The following PLAAT5 variants were observed in gnomAD, a reference collection of about 807,000 sequenced individuals.
The protein encoded by PLAAT5 is phospholipase A and acyltransferase 5, also known as Ca(2+)-independent N-acyltransferase.
A neutral mutation model predicts 27.8 loss-of-function variants in PLAAT5; 27 were observed. The observed-to-expected ratio is 0.97, with a 90% CI of 0.72 to 1.34. The LOEUF is 1.34. PLAAT5 is among the 40% of genes most tolerant of loss of function. The probability of loss-of-function intolerance (pLI) is 0.00; values close to 1 mark genes in which losing one functional copy is unlikely to be tolerated. For synonymous variants in PLAAT5, 125 were observed against 136.1 expected (o/e 0.92, Z 0.57); for missense variants, 368 against 343.8 (o/e 1.07, Z -0.56).
intron 3 of PLAAT5, among the ~76,000 whole-genome samples, chr11:63,485,999 A>G (rs2016423320): frequency 6.6e-6 from 1 of 152,220 alleles, no homozygotes; most frequent in Admixed American, 6.5e-5. Context: ...AAGAAGATAT[A>G]CAAATGGCCA....
chr11:63,487,907 A>G (rs1386786710), intron 3 of PLAAT5, among the ~76,000 whole-genome samples: 1 of 152,250 alleles, frequency 6.6e-6, no homozygotes, highest in African/African-American at 2.4e-5. Context: ...ACACTTTGGG[A>G]AGCCGAGGCG....
At chr11:63,482,533 GAAAT>G (rs1017790694) in intron 3 of PLAAT5, among the ~76,000 whole-genome samples, 16 of 152,118 alleles carry the variant, frequency 1.1e-4, no homozygotes, top group African/African-American at 3.6e-4. Flanking sequence ...AAGTGGAGGG[GAAAT>G]AAAGTCTTTT....
intron 4 of PLAAT5, among the ~76,000 whole-genome samples, chr11:63,467,702 A>C (rs2120222961): frequency 6.6e-6 from 1 of 152,320 alleles, no homozygotes; most frequent in East Asian, 1.9e-4. Context: ...CACTGTGACC[A>C]GCAGTTCTAG....
chr11:63,488,423 C>CAT (rs918832405), intron 3 of PLAAT5, among the ~76,000 whole-genome samples: 3 of 152,154 alleles, frequency 2.0e-5, no homozygotes, highest in South Asian at 2.1e-4. Flanking sequence ...ACTTCACTGG[C>CAT]ATATATATAT....
At chr11:63,465,463 T>C (rs187707968) in intron 5 of PLAAT5, among the ~76,000 whole-genome samples, 90 of 151,216 alleles carry the variant, frequency 6.0e-4, no homozygotes, top group African/African-American at 2.1e-3. Flanking sequence ...ATCAACAGAG[T>C]ATCTGCTTCT....
Position 63,472,613 on chromosome 11 carries a change from A to G in PLAAT5, c.346-4148T>C, listed in dbSNP as rs575557284. Among the ~76,000 whole-genome samples the G allele has an allele frequency of 5.3e-5, 8 of 152,294 alleles. No homozygotes were observed. The South Asian group carries it at 1.7e-3, about 32-fold the overall frequency. Reference sequence around the variant, plus strand: ...ACATGGAATTTTTTGTGTGTACTTAAATCTTCAATCTCCCTTACCAATGTT... The same window carrying G: ...ACATGGAATTTTTTGTGTGTACTTAGATCTTCAATCTCCCTTACCAATGTT... On this transcript the variant is annotated intron_variant, in intron 3 of 5. Transcript: ENST00000540857.
intron 3 of PLAAT5, among the ~76,000 whole-genome samples, chr11:63,479,090 A>T (rs934962702): frequency 3.3e-5 from 5 of 152,216 alleles, no homozygotes; most frequent in Non-Finnish European, 5.9e-5. Flanking sequence ...AAGCCCAGGG[A>T]AAGCAGTAGG....
Position 63,490,930 on chromosome 11 carries a change from C to A in PLAAT5, c.105G>T (p.Lys35Asn). The A allele has an allele frequency of 6.2e-7, 1 of 1,603,078 alleles. No homozygotes were observed. ...AACGTCTGAGCGCAGGCGGCTGGTCCTTGGGCCCGGTACTGGCGGTTCGCG... is the reference window on the plus strand; with the variant it reads ...AACGTCTGAGCGCAGGCGGCTGGTCATTGGGCCCGGTACTGGCGGTTCGCG... ...PASRTASTGP[K>N]DQPPALRRSA... Residue 35 changes from lysine (K) to asparagine (N), a missense_variant, in exon 1 of 6, where the codon AAG (lysine) becomes AAT (asparagine). Lys to Asn is a moderately conservative substitution (Grantham distance 94). Transcript: ENST00000540857.
intron 3 of PLAAT5, among the ~76,000 whole-genome samples, chr11:63,482,823 T>C (rs542955546): frequency 6.6e-6 from 1 of 152,308 alleles, no homozygotes; most frequent in South Asian, 2.1e-4. Flanking sequence ...AATGGCAGAA[T>C]GGATTAAAAT....
At chr11:63,472,046 G>C (rs563141380) in intron 3 of PLAAT5, among the ~76,000 whole-genome samples, 4 of 152,138 alleles carry the variant, frequency 2.6e-5, no homozygotes, top group Admixed American at 2.6e-4. Flanking sequence ...CTGTCAGGGT[G>C]GGGGTTGGAG....
rs1425184981 is a variant in PLAAT5 at position 63,482,787 on chromosome 11, C to CT, written c.345+6083dup. Among the ~76,000 whole-genome samples, 3 of 152,082 alleles carry CT rather than the reference C, an allele frequency of 2.0e-5. No homozygotes were observed. The East Asian group carries it at 5.8e-4, about 29-fold the overall frequency. ...AATACTAAAATTGACTGTAAATGGC[C>CT]TAAATGCTCCACTTAAAGGATACAG... On this transcript the variant is annotated intron_variant, in intron 3 of 5. Coordinates refer to ENST00000540857, the MANE Select transcript of PLAAT5 (RefSeq NM_001146729.2).
chr11:63,479,010 A>G (rs1290061020), intron 3 of PLAAT5, among the ~76,000 whole-genome samples: 1 of 152,224 alleles, frequency 6.6e-6, no homozygotes, highest in African/African-American at 2.4e-5. Flanking sequence ...TCCCCATACC[A>G]GGCTTCTCAC....
chr11:63,490,334 C>T lies in PLAAT5; in HGVS notation c.149-1G>A. ...AACGCTGCGAATCCCACGGATTCTT[C>T]TAATTCAAGGGGGGAAATGCTATTT... On this transcript the variant is annotated splice_acceptor_variant, in intron 1 of 5. Coordinates refer to ENST00000540857, the MANE Select transcript of PLAAT5 (RefSeq NM_001146729.2). LOFTEE classifies it high-confidence loss of function. The T allele has an allele frequency of 6.2e-7, 1 of 1,614,124 alleles. No homozygotes were observed. The highest frequency in any genetic ancestry group is 8.5e-7 in the Non-Finnish European group (1 of 1,180,016).
At position 63,477,515 on chromosome 11, in the gene PLAAT5, G is replaced by A. The variant is rs150157377; in HGVS notation, c.346-9050C>T. Among the ~76,000 whole-genome samples the A allele has an allele frequency of 6.8e-3, 1,033 of 151,790 alleles. 9 individuals carry two copies. The highest frequency in any genetic ancestry group is 0.021 in the African/African-American group (871 of 41,346). ...TTTTGAGACAGAGTCTCGCCGTGTCGCCCAGGCTGGAGTGCAATGGTGTGA... is the reference window on the plus strand; with the variant it reads ...TTTTGAGACAGAGTCTCGCCGTGTCACCCAGGCTGGAGTGCAATGGTGTGA... On this transcript the variant is annotated intron_variant, in intron 3 of 5. Transcript: ENST00000540857.
rs1189333245 is a variant in PLAAT5, at chr11:63,463,068, AG to A, written c.*434del. ...AAGGGCAGGATTATCATAAATGGAA[AG>A]AAGCTAGAGACATTTTAGTTAAATA... On this transcript the variant is annotated 3_prime_UTR_variant, in exon 6 of 6. Coordinates refer to ENST00000540857, the MANE Select transcript of PLAAT5 (RefSeq NM_001146729.2). The A allele has an allele frequency of 6.2e-6, 1 of 160,778 alleles. No individual in the cohort carries two copies. The highest frequency in any genetic ancestry group is 2.4e-5 in the African/African-American group (1 of 41,740). The allele number at this position is 160,778 out of a possible 1,614,324, so 10.0% of individuals were successfully genotyped here.
At chr11:63,474,445 T>C (rs2120266880) in intron 3 of PLAAT5, among the ~76,000 whole-genome samples, 1 of 152,292 alleles carries the variant, frequency 6.6e-6, no homozygotes, top group East Asian at 1.9e-4. Flanking sequence ...TTCATCTCAG[T>C]TGTCTAATTT....
rs1481129655 is a variant in PLAAT5 at position 63,483,830 on chromosome 11, T to C, written c.345+5041A>G. On this transcript the variant is annotated intron_variant, in intron 3 of 5. Coordinates refer to ENST00000540857, the MANE Select transcript of PLAAT5 (RefSeq NM_001146729.2). ...ATATATATATATATATATATATATA[T>C]ATATATATATATACACATATATATA... Among the ~76,000 whole-genome samples the C allele has an allele frequency of 8.8e-4, 102 of 116,012 alleles. 3 individuals are homozygous for C. The highest frequency in any genetic ancestry group is 2.9e-3 in the African/African-American group (93 of 31,692). 76.1% of individuals were successfully genotyped at this position (116,012 alleles called of 152,430 possible). A position where few individuals can be genotyped will look rare whatever the true frequency, so the allele number is the denominator to read the frequency against.
rs985060749 is a variant in PLAAT5 at position 63,463,162 on chromosome 11, C to T, written c.*341G>A. The T allele has an allele frequency of 1.2e-5, 3 of 240,104 alleles. No homozygotes were observed. Among genetic ancestry groups the T allele is most frequent in the African/African-American group, 6.7e-5 (3 of 44,850 alleles). 14.9% of individuals were successfully genotyped at this position (240,104 alleles called of 1,614,324 possible). A position where few individuals can be genotyped will look rare whatever the true frequency, so the allele number is the denominator to read the frequency against. On this transcript the variant is annotated 3_prime_UTR_variant, in exon 6 of 6. Coordinates refer to ENST00000540857, the MANE Select transcript of PLAAT5 (RefSeq NM_001146729.2). Reference sequence around the variant, plus strand: ...TCAAGCAGAGGTTTCTGGGATGTTTCTGATGGCACTCAAGCATCGGAGACC... The same window carrying T: ...TCAAGCAGAGGTTTCTGGGATGTTTTTGATGGCACTCAAGCATCGGAGACC...
Position 63,491,011 on chromosome 11 carries a change from C to A in PLAAT5, c.24G>T (p.Glu8Asp). The change falls in exon 1 of 6, where the codon GAG becomes GAT. Residue 8 changes from glutamate to aspartate, a missense_variant. Physicochemically the swap from Glu to Asp is conservative, Grantham distance 45. Transcript: ENST00000540857. Reference sequence around the variant, plus strand: ...TAGGGAGGCGGAGCGCGTACTCCCCCTCGGCGCCCGGGCTCAGGCCCATCC... The same window carrying A: ...TAGGGAGGCGGAGCGCGTACTCCCCATCGGCGCCCGGGCTCAGGCCCATCC... Reference protein sequence around the residue: MGLSPGAEGEYALRLPRI... With the variant: MGLSPGADGEYALRLPRI... The A allele has an allele frequency of 6.6e-7, 1 of 1,517,176 alleles. No individual in the cohort carries two copies. The highest frequency in any genetic ancestry group is 2.6e-5 in the East Asian group (1 of 39,154). 94.0% of individuals were successfully genotyped at this position (1,517,176 alleles called of 1,614,324 possible). A position where few individuals can be genotyped will look rare whatever the true frequency, so the allele number is the denominator to read the frequency against.
Sources: allele counts gnomAD v4.1 joint callset (sites outside exome capture counted in the v4.1 genomes callset), GRCh38; gene constraint gnomAD v4.1.1; transcripts MANE v1.5; gene names NCBI Gene and HGNC (gene_info 2026-07-23, HGNC 2026-07-21).